Variants in MAPKAP1 observed in about 807,000 individuals in gnomAD.
MAPKAP1 encodes the protein target of rapamycin complex 2 subunit MAPKAP1.
MAPKAP1 carries 20 observed loss-of-function variants against 65.7 expected under a neutral mutation model. That is an observed-to-expected ratio of 0.30 (90% CI 0.21 to 0.44). The LOEUF is 0.44. MAPKAP1 is among the 20% of genes least tolerant of loss of function. The pLI is 1.00. For synonymous variants in MAPKAP1, 222 were observed against 244.3 expected (o/e 0.91, Z 0.85); for missense variants, 423 against 648.0 (o/e 0.65, Z 3.77).
At chr9:125,668,769 T>C (rs1307811472) in intron 3 of MAPKAP1, among the ~76,000 whole-genome samples, 4 of 152,230 alleles carry the variant, frequency 2.6e-5, no homozygotes, top group Middle Eastern at 3.2e-3. Context: ...TAATGGTTTT[T>C]ACACTAAGGG....
At chr9:125,542,345 A>G (rs1830277353) in intron 7 of MAPKAP1, among the ~76,000 whole-genome samples, 1 of 152,224 alleles carries the variant, frequency 6.6e-6, no homozygotes, top group African/African-American at 2.4e-5. Flanking sequence ...GTAAAATCAA[A>G]GGTGTTTAAG....
intron 4 of MAPKAP1, among the ~76,000 whole-genome samples, chr9:125,601,570 T>G: frequency 6.6e-6 from 1 of 152,232 alleles, no homozygotes; most frequent in East Asian, 1.9e-4. Context: ...TAATCTTTCA[T>G]GCACATCCAG....
At chr9:125,503,456 C>A (rs906836307) in intron 8 of MAPKAP1, among the ~76,000 whole-genome samples, 3 of 152,178 alleles carry the variant, frequency 2.0e-5, no homozygotes, top group African/African-American at 7.2e-5. Flanking sequence ...TGATTCTTTT[C>A]TATCTTGTGC....
chr9:125,655,065 G>GA (rs543254056), intron 4 of MAPKAP1, among the ~76,000 whole-genome samples: 1 of 151,688 alleles, frequency 6.6e-6, no homozygotes, highest in African/African-American at 2.4e-5. Context: ...TTTGGAGGGG[G>GA]AAAAAAACTG....
intron 4 of MAPKAP1, among the ~76,000 whole-genome samples, chr9:125,650,000 C>A (rs1473389764): frequency 6.6e-6 from 1 of 152,110 alleles, no homozygotes; most frequent in East Asian, 1.9e-4. Context: ...GTTTCATTAT[C>A]CATCCAGCTC....
intron 5 of MAPKAP1, among the ~76,000 whole-genome samples, chr9:125,583,352 T>G (rs1040053087): frequency 1.3e-5 from 2 of 152,220 alleles, no homozygotes; most frequent in East Asian, 3.8e-4. Context: ...TTAGATCTCC[T>G]TGTAAGCACC....
intron 9 of MAPKAP1, among the ~76,000 whole-genome samples, chr9:125,481,484 G>A (rs1854315650): frequency 6.6e-6 from 1 of 151,688 alleles, no homozygotes; most frequent in South Asian, 2.1e-4. Context: ...GTGTAATGGC[G>A]TCATGACAGC....
At chr9:125,537,103 G>C (rs2133153961) in intron 7 of MAPKAP1, among the ~76,000 whole-genome samples, 1 of 152,190 alleles carries the variant, frequency 6.6e-6, no homozygotes, top group South Asian at 2.1e-4. Flanking sequence ...AAGCAACATG[G>C]TACAAATAAA....
At chr9:125,658,114 TAACGGCAAG>T (rs567619238) in intron 3 of MAPKAP1, among the ~76,000 whole-genome samples, 3,280 of 152,286 alleles carry the variant, frequency 0.022, 46 homozygotes, top group South Asian at 0.04. Context: ...GCTTTGCTAC[TAACGGCAAG>T]CTATGTGACA....
intron 8 of MAPKAP1, among the ~76,000 whole-genome samples, chr9:125,486,649 C>T (rs763866544): frequency 2.6e-5 from 4 of 152,188 alleles, no homozygotes; most frequent in Non-Finnish European, 5.9e-5. Flanking sequence ...GCAAACACTA[C>T]AGTAATTCCC....
intron 1 of MAPKAP1, among the ~76,000 whole-genome samples, chr9:125,702,724 C>T (rs1336460573): frequency 6.8e-6 from 1 of 147,028 alleles, no homozygotes; most frequent in Non-Finnish European, 1.5e-5. Context: ...TGGTGATGGG[C>T]ACCTGTAGTC....
At chr9:125,479,441 G>A (rs953360909) in intron 9 of MAPKAP1, among the ~76,000 whole-genome samples, 2 of 152,142 alleles carry the variant, frequency 1.3e-5, no homozygotes, top group Non-Finnish European at 2.9e-5. Context: ...TTAGTTGAGC[G>A]TGGTGGTGCA....
At chr9:125,519,520 T>G (rs1829559231) in intron 7 of MAPKAP1, among the ~76,000 whole-genome samples, 1 of 151,700 alleles carries the variant, frequency 6.6e-6, no homozygotes, top group African/African-American at 2.4e-5. Context: ...TCTTAGCTGC[T>G]TGGAAGGCTG....
At chr9:125,584,348 A>G (rs1334457627) in intron 5 of MAPKAP1, among the ~76,000 whole-genome samples, 3 of 152,224 alleles carry the variant, frequency 2.0e-5, no homozygotes, top group Non-Finnish European at 4.4e-5. Flanking sequence ...AAATTTACCT[A>G]AAGAAATTTA....
chr9:125,457,067 C>A (rs963009387), intron 10 of MAPKAP1, among the ~76,000 whole-genome samples: 1 of 151,254 alleles, frequency 6.6e-6, no homozygotes, highest in African/African-American at 2.4e-5. Flanking sequence ...TGGCTCACTG[C>A]AACCTCTGCC....
At chr9:125,696,627 CCTTAAG>C (rs1434083525) in intron 1 of MAPKAP1, among the ~76,000 whole-genome samples, 6 of 151,158 alleles carry the variant, frequency 4.0e-5, no homozygotes, top group African/African-American at 1.2e-4. Flanking sequence ...AAACAAAAAA[CCTTAAG>C]CTTATCTAGT....
At chr9:125,566,561 T>TGAAAAAGAAAAAGAAAAAGAAAAA (rs72228008) in intron 5 of MAPKAP1, among the ~76,000 whole-genome samples, 9 of 147,674 alleles carry the variant, frequency 6.1e-5, no homozygotes, top group African/African-American at 2.3e-4. Flanking sequence ...GACACTGTCT[T>TGAAAAAGAAAAAGAAAAAGAAAAA]GAAAAAGAAA....
chr9:125,465,286 A>G (rs545582282), intron 10 of MAPKAP1, among the ~76,000 whole-genome samples: 1 of 152,382 alleles, frequency 6.6e-6, no homozygotes, highest in East Asian at 1.9e-4. Context: ...TGCTGATAAA[A>G]ATCACAGGCT....
chr9:125,697,892 A>G (rs1293899622), intron 1 of MAPKAP1, among the ~76,000 whole-genome samples: 1 of 139,526 alleles, frequency 7.2e-6, no homozygotes, highest in Non-Finnish European at 1.5e-5. Flanking sequence ...CTTAAGCTTC[A>G]TATCATAACA....
Sources: allele counts gnomAD v4.1 joint callset (sites outside exome capture counted in the v4.1 genomes callset), GRCh38; gene constraint gnomAD v4.1.1; transcripts MANE v1.5; gene names NCBI Gene and HGNC (gene_info 2026-07-23, HGNC 2026-07-21).